Variants in CYP2A7 observed in about 807,000 individuals in gnomAD.
CYP2A7 encodes the protein cytochrome P450 family 2 subfamily A member 7.
In CYP2A7, 36 loss-of-function variants were observed where a neutral mutation model predicts 42.0. The ratio of observed to expected loss-of-function variants is 0.86; its 90% confidence interval spans 0.66 to 1.13. CYP2A7 has a LOEUF of 1.13. Among genes scored for constraint, CYP2A7 ranks in the 50% most tolerant of loss-of-function variants. CYP2A7 has a pLI of 0.00. For missense variants in CYP2A7, 661 were observed against 634.1 expected, an observed-to-expected ratio of 1.04 and a Z score of -0.46; for synonymous variants, 260 against 249.5, an observed-to-expected ratio of 1.04 and a Z score of -0.40.
Position 40,875,499 on chromosome 19 carries a change from C to G in CYP2A7, c.*194G>C, listed in dbSNP as rs201637160. The G allele has an allele frequency of 1.4e-6, 1 of 699,958 alleles. No individual in the cohort carries two copies. Among genetic ancestry groups the G allele is most frequent in the East Asian group, 2.7e-5 (1 of 36,572 alleles). 43.4% of individuals were successfully genotyped at this position (699,958 alleles called of 1,614,324 possible). ...ATAGCATAATGTAAGGTTTCCCTTCCTCTCATCCCAGCTCGGAAGCACCTT... is the reference window on the plus strand; with the variant it reads ...ATAGCATAATGTAAGGTTTCCCTTCGTCTCATCCCAGCTCGGAAGCACCTT... On this transcript the variant is annotated 3_prime_UTR_variant, in exon 9 of 9. Coordinates refer to ENST00000301146, the MANE Select transcript of CYP2A7 (RefSeq NM_000764.3).
At chr19:40,876,475 G>T (rs2145144671) in intron 8 of CYP2A7, 52 bp downstream of exon 8, 1 of 1,611,838 alleles carries the variant, frequency 6.2e-7, no homozygotes, top group Non-Finnish European at 8.5e-7. Context: ...GTGGGTGAGG[G>T]AGGCGCCTGC....
chr19:40,880,858 A>G (rs868098324), intron 2 of CYP2A7, among the ~76,000 whole-genome samples: 34 of 126,920 alleles, frequency 2.7e-4, no homozygotes, highest in Admixed American at 4.9e-4. Flanking sequence ...AGAGAGAGAG[A>G]GAGACCGGGT....
At position 40,880,156 on chromosome 19, in the gene CYP2A7, C is replaced by T; in HGVS notation, c.582G>A (p.Glu194=). The T allele has an allele frequency of 1.9e-6, 3 of 1,612,974 alleles. No homozygotes were observed. The highest frequency in any genetic ancestry group is 2.5e-6 in the Non-Finnish European group (3 of 1,179,268). The change falls in exon 4 of 9, where the codon GAG becomes GAA. Residue 194 remains glutamate (E), a synonymous_variant. Transcript: ENST00000301146. ...SIVFGDRFDY[E]DKEFLSLLSM... is the part of the protein sequence containing the mutation. ...TCAGCAGTGACAGGAACTCTTTGTCCTCATAGTCAAAGCGGTCCCCAAAGA... is the reference window on the plus strand; with the variant it reads ...TCAGCAGTGACAGGAACTCTTTGTCTTCATAGTCAAAGCGGTCCCCAAAGA...
intron 2 of CYP2A7, among the ~76,000 whole-genome samples, 195 bp from the exon 3 acceptor site, chr19:40,880,823 G>A (rs867807893): frequency 4.9e-4 from 35 of 71,642 alleles, no homozygotes; most frequent in African/African-American, 1.8e-3. Flanking sequence ...GAGAGAGAGA[G>A]AGAGAGAGAG....
Position 40,882,145 on chromosome 19 carries a change from A to T in CYP2A7, c.66T>A (p.Ser22=), listed in dbSNP as rs1306813257. The change falls in exon 1 of 9, where the codon TCT becomes TCA. Residue 22 remains serine (S), a synonymous_variant. Coordinates refer to ENST00000301146, the MANE Select transcript of CYP2A7 (RefSeq NM_000764.3). ...CCCTGCTCTTCCTCTGCTGCCAGAC[A>T]GACATCAAGACCATCACAGTCAGGC... ...LACLTVMVLM[S]VWQQRKSRGK... is the part of the protein sequence containing the mutation. 8.7e-6 allele frequency: 14 copies of T among 1,613,874 alleles called. No individual in the cohort carries two copies. The highest frequency in any genetic ancestry group is 2.7e-5 in the African/African-American group (2 of 74,922).
At chr19:40,878,398 T>G (rs887382251) in intron 5 of CYP2A7, among the ~76,000 whole-genome samples, 2 of 151,776 alleles carry the variant, frequency 1.3e-5, no homozygotes, top group Non-Finnish European at 2.9e-5. Context: ...TTAATTAATT[T>G]TTTTTGAGAC....
In CYP2A7 at chr19:40,881,626, G is replaced by A. The variant is rs747618272; in HGVS notation, c.306C>T (p.Gly102=). 3.9e-5 allele frequency: 63 copies of A among 1,612,436 alleles called. No homozygotes were observed. The highest frequency in any genetic ancestry group is 1.8e-4 in the Admixed American group (11 of 59,934). ...VDQAEEFSGR[G]EQATFDWVFK... is the part of the protein sequence containing the mutation. The stretch of plus-strand genomic sequence containing the variant: ...AGACCCAGTCGAAGGTGGCTTGCTC[G>A]CCTCGCCCGCTGAACTCCTCAGCCT... The change falls in exon 2 of 9, where the codon GGC becomes GGT. Residue 102 remains glycine, a synonymous_variant. Transcript: ENST00000301146.
intron 5 of CYP2A7, among the ~76,000 whole-genome samples, chr19:40,878,539 T>G (rs1967587668): frequency 6.6e-6 from 1 of 151,874 alleles, no homozygotes; most frequent in Non-Finnish European, 1.5e-5. Context: ...TTGACCATGT[T>G]GGCCAGGCTG....
chr19:40,877,757 G>A (rs1236928791), intron 6 of CYP2A7, 95 bp downstream of exon 6: 21 of 1,501,536 alleles, frequency 1.4e-5, no homozygotes, highest in Non-Finnish European at 1.9e-5. Flanking sequence ...CACGTCTCAG[G>A]GTCCTGGGAT....
chr19:40,876,345 A>G, intron 8 of CYP2A7, 182 bp downstream of exon 8: 2 of 986,878 alleles, frequency 2.0e-6, no homozygotes, highest in Admixed American at 2.3e-5. Flanking sequence ...CTTTCCTTTT[A>G]CCTGGGTGCA....
At chr19:40,881,852 T>A in intron 1 of CYP2A7, 101 bp from the exon 2 acceptor site, 1 of 1,542,734 alleles carries the variant, frequency 6.5e-7, no homozygotes, top group Non-Finnish European at 8.7e-7. Flanking sequence ...CCCCAGGTTC[T>A]CACAGTCAGG....
rs758310863 is a variant in CYP2A7, at chr19:40,876,515, G to A, written c.1303+12C>T. 10 of 1,612,688 alleles carry A rather than the reference G, an allele frequency of 6.2e-6. No individual in the cohort carries two copies. The highest frequency in any genetic ancestry group is 7.6e-6 in the Non-Finnish European group (9 of 1,179,100). ...GTGAGCAGTGGCCTGGCAGCAAACAGTGGTCTCTTACCGATGGAAAAGGGC... is the reference window on the plus strand; with the variant it reads ...GTGAGCAGTGGCCTGGCAGCAAACAATGGTCTCTTACCGATGGAAAAGGGC... On this transcript the variant is annotated intron_variant, in intron 8 of 8. Transcript: ENST00000301146.
chr19:40,879,628 G>A (rs28619553), intron 4 of CYP2A7, among the ~76,000 whole-genome samples: 1 of 150,396 alleles, frequency 6.6e-6, no homozygotes, highest in East Asian at 1.9e-4. Flanking sequence ...AGTAGAGGGC[G>A]CTTGGCCAGA....
rs925294244 is a variant in CYP2A7, at chr19:40,875,565, C to A, written c.*128G>T. On this transcript the variant is annotated 3_prime_UTR_variant, in exon 9 of 9. Transcript: ENST00000301146. ...GCCGCTTCTGTTTCTTCTCTTCCCTCTAGCCACCACGCCCCTTCCTTTCCC... is the reference window on the plus strand; with the variant it reads ...GCCGCTTCTGTTTCTTCTCTTCCCTATAGCCACCACGCCCCTTCCTTTCCC... The A allele has an allele frequency of 4.1e-6, 6 of 1,459,244 alleles. No individual in the cohort carries two copies. The highest frequency in any genetic ancestry group is 1.3e-5 in the South Asian group (1 of 76,048). The allele number at this position is 1,459,244 out of a possible 1,614,324, so 90.4% of individuals were successfully genotyped here.
At chr19:40,876,978 G>A in intron 7 of CYP2A7, 1 of 671,222 alleles carries the variant, frequency 1.5e-6, no homozygotes, top group African/African-American at 1.8e-5. Context: ...TGGAACTTGA[G>A]TTTGATTCTC....
chr19:40,878,616 G>A lies in CYP2A7; in HGVS notation c.831+144C>T, dbSNP rs546871198. 6.6e-6 allele frequency: 8 copies of A among 1,210,716 alleles called. No individual in the cohort carries two copies. The East Asian group carries it at 2.1e-4, about 31-fold the overall frequency. 75.0% of individuals were successfully genotyped at this position (1,210,716 alleles called of 1,614,324 possible). ...TCCCAAAGTGCTGGGATTACAGGCTGTTAGCCACGGCGCCCAGCCAATTGT... is the reference window on the plus strand; with the variant it reads ...TCCCAAAGTGCTGGGATTACAGGCTATTAGCCACGGCGCCCAGCCAATTGT... On this transcript the variant is annotated intron_variant, in intron 5 of 8. Coordinates refer to ENST00000301146, the MANE Select transcript of CYP2A7 (RefSeq NM_000764.3).
At chr19:40,876,445 C>T in intron 8 of CYP2A7, 82 bp downstream of exon 8, 3 of 1,603,768 alleles carry the variant, frequency 1.9e-6, no homozygotes, top group Non-Finnish European at 2.6e-6. Context: ...AAATACCAGG[C>T]TACACCGCAG....
chr19:40,877,880 C>T lies in CYP2A7; in HGVS notation c.945G>A (p.Leu315=). The T allele has an allele frequency of 6.2e-7, 1 of 1,610,664 alleles. No homozygotes were observed. The highest frequency in any genetic ancestry group is 1.3e-5 in the African/African-American group (1 of 74,780). The change falls in exon 6 of 9, where the codon TTG becomes TTA. Residue 315 remains leucine, a synonymous_variant. Transcript: ENST00000301146. The part of the protein sequence containing the change: ...TVSTTLRYGF[L]LLMKHPEVEA... ...CCACCTCTGGGTGCTTCATGAGCAG[C>T]AAGAAGCCATAGCGCAGGGTGGTGC...
intron 5 of CYP2A7, among the ~76,000 whole-genome samples, chr19:40,878,395 A>AT (rs1388721614): frequency 6.6e-6 from 1 of 151,330 alleles, no homozygotes; most frequent in African/African-American, 2.4e-5. Flanking sequence ...CAATTAATTA[A>AT]TTTTTTTTGA....
Sources: allele counts gnomAD v4.1 joint callset (sites outside exome capture counted in the v4.1 genomes callset), GRCh38; gene constraint gnomAD v4.1.1; transcripts MANE v1.5; gene names NCBI Gene and HGNC (gene_info 2026-07-23, HGNC 2026-07-21).